MANEA: variants seen among roughly 807,000 people sequenced by gnomAD.
MANEA encodes mannosidase endo-alpha.
MANEA carries 25 observed loss-of-function variants against 36.8 expected under a neutral mutation model. The observed-to-expected ratio is 0.68, with a 90% CI of 0.50 to 0.95. The LOEUF (loss-of-function observed/expected upper bound fraction) is 0.95, where lower values mean the gene tolerates loss of function less well. Ranked by LOEUF, MANEA falls within the 40% of genes least tolerant of loss-of-function variation. The probability of loss-of-function intolerance (pLI) is 0.00; values close to 1 mark genes in which losing one functional copy is unlikely to be tolerated. For synonymous variants in MANEA, 198 were observed against 188.5 expected, an observed-to-expected ratio of 1.05 and a Z score of -0.41; for missense variants, 565 against 558.8, an observed-to-expected ratio of 1.01 and a Z score of -0.11.
chr6:95,606,214 A>C lies in MANEA; in HGVS notation c.1198A>C (p.Thr400Pro). Reference sequence around the variant, plus strand: ...GACACGCCCCAGCTTAATTTCTATCACCTCTTTTAATGAGTGGCATGAAGG... The same window carrying C: ...GACACGCCCCAGCTTAATTTCTATCCCCTCTTTTAATGAGTGGCATGAAGG... Reference protein sequence around the residue: ...LQTRPSLISITSFNEWHEGTQ... With the variant: ...LQTRPSLISIPSFNEWHEGTQ... The change falls in exon 5 of 5, where the codon ACC becomes CCC. Residue 400 changes from threonine (T) to proline (P), a missense_variant. Transcript: ENST00000358812. 1 of 1,613,974 alleles carries C rather than the reference A, an allele frequency of 6.2e-7. No homozygotes were observed. The highest frequency in any genetic ancestry group is 8.5e-7 in the Non-Finnish European group (1 of 1,179,968).
chr6:95,603,257 T>C (rs1354217723), intron 3 of MANEA, among the ~76,000 whole-genome samples: 2 of 152,054 alleles, frequency 1.3e-5, no homozygotes, highest in African/African-American at 2.4e-5. Flanking sequence ...AAATATGGTG[T>C]CCTTTATGTA....
chr6:95,598,521 T>C (rs932533433), intron 3 of MANEA, among the ~76,000 whole-genome samples: 1 of 152,174 alleles, frequency 6.6e-6, no homozygotes, highest in Non-Finnish European at 1.5e-5. Context: ...GTGAAAGATC[T>C]GAGAGAGAGT....
chr6:95,602,006 A>G (rs1446045076), intron 3 of MANEA, among the ~76,000 whole-genome samples: 1 of 151,864 alleles, frequency 6.6e-6, no homozygotes, highest in African/African-American at 2.4e-5. Flanking sequence ...AATGATTTTC[A>G]CCTACATTTG....
At chr6:95,583,429 AC>A (rs1198044780) in intron 1 of MANEA, among the ~76,000 whole-genome samples, 1 of 152,152 alleles carries the variant, frequency 6.6e-6, no homozygotes, top group Non-Finnish European at 1.5e-5. Flanking sequence ...ATGTATGTGT[AC>A]ATATGCACAT....
At chr6:95,604,061 GGTGTGTGT>G (rs71012509) in intron 3 of MANEA, among the ~76,000 whole-genome samples, 12 of 138,388 alleles carry the variant, frequency 8.7e-5, no homozygotes, top group South Asian at 2.4e-4. Flanking sequence ...TATGTATGTA[GGTGTGTGT>G]GTGTGTGTGT....
At chr6:95,604,799 C>A in intron 3 of MANEA, 28 bp from the exon 4 acceptor site, 2 of 928,466 alleles carry the variant, frequency 2.2e-6, no homozygotes, top group Non-Finnish European at 1.6e-6. Context: ...ATAATTTATC[C>A]CCTAACTGAT....
Position 95,596,744 on chromosome 6 carries a change from A to G in MANEA, c.552A>G (p.Leu184=), listed in dbSNP as rs1316230992. Residue 184 remains leucine, a synonymous_variant, in exon 3 of 5, where the codon CTA becomes CTG. Coordinates refer to ENST00000358812, the MANE Select transcript of MANEA (RefSeq NM_024641.4). ...TTTGGTCTTTTCTATTAGGTGTACT[A>G]GCCCTCTCTTGGTACCCACCTGATG... ...RQMRSASIGV[L]ALSWYPPDVN... The G allele has an allele frequency of 1.3e-6, 2 of 1,572,248 alleles. No homozygotes were observed. Among genetic ancestry groups the G allele is most frequent in the Admixed American group, 3.3e-5 (2 of 59,912 alleles).
At chr6:95,605,244 AG>A (rs1339082692) in intron 4 of MANEA, among the ~76,000 whole-genome samples, 1 of 152,162 alleles carries the variant, frequency 6.6e-6, no homozygotes, top group African/African-American at 2.4e-5. Flanking sequence ...GATTATTAAA[AG>A]TGAACTACTT....
At chr6:95,602,874 G>C (rs865785048) in intron 3 of MANEA, among the ~76,000 whole-genome samples, 1 of 150,410 alleles carries the variant, frequency 6.6e-6, no homozygotes, top group African/African-American at 2.4e-5. Context: ...CAAAAAATTA[G>C]CCGGGCGCGG....
Position 95,608,519 on chromosome 6 carries a change from C to G in MANEA, c.*2114C>G, listed in dbSNP as rs547698066. 9.9e-5 allele frequency: 15 copies of G among 151,908 alleles called. No homozygotes were observed. Among genetic ancestry groups the G allele is most frequent in the African/African-American group, 3.1e-4 (13 of 41,512 alleles). The allele number at this position is 151,908 out of a possible 1,614,324, so 9.4% of individuals were successfully genotyped here. On this transcript the variant is annotated 3_prime_UTR_variant, in exon 5 of 5. Transcript: ENST00000358812. ...TTGTTGTGATTCCTCAACACATTAC[C>G]CTAACCAGCCAGCAGTAACAGATTT...
chr6:95,588,695 A>G (rs190114381), intron 2 of MANEA, among the ~76,000 whole-genome samples: 8 of 152,074 alleles, frequency 5.3e-5, no homozygotes, highest in Admixed American at 1.3e-4. Context: ...TTGTTCTTTA[A>G]AGTTTTAATT....
At chr6:95,585,135 C>CATATAT (rs60159619) in intron 1 of MANEA, among the ~76,000 whole-genome samples, 37 of 150,246 alleles carry the variant, frequency 2.5e-4, no homozygotes, top group African/African-American at 8.1e-4. Context: ...TACTTATACT[C>CATATAT]ATATATATAT....
chr6:95,594,100 A>T (rs1004844689), intron 2 of MANEA, among the ~76,000 whole-genome samples: 1 of 151,928 alleles, frequency 6.6e-6, no homozygotes, highest in Admixed American at 6.6e-5. Flanking sequence ...GTACATGTGT[A>T]TGTGCGTGCT....
intron 3 of MANEA, among the ~76,000 whole-genome samples, chr6:95,597,328 A>G (rs1167504623): frequency 6.6e-6 from 1 of 152,116 alleles, no homozygotes; most frequent in African/African-American, 2.4e-5. Flanking sequence ...TGATGCAGAA[A>G]TTAATGTGTG....
intron 4 of MANEA, among the ~76,000 whole-genome samples, 179 bp downstream of exon 4, chr6:95,605,082 T>G (rs549252671): frequency 6.6e-6 from 1 of 152,124 alleles, no homozygotes; most frequent in Admixed American, 6.5e-5. Flanking sequence ...TGCTGAAGTT[T>G]CTTATAATTC....
At chr6:95,601,546 A>C (rs763532222) in intron 3 of MANEA, among the ~76,000 whole-genome samples, 4 of 152,090 alleles carry the variant, frequency 2.6e-5, no homozygotes, top group Non-Finnish European at 5.9e-5. Context: ...GATTTGAACC[A>C]GCCTGGAGCA....
intron 3 of MANEA, among the ~76,000 whole-genome samples, chr6:95,601,716 A>ATTTTTTTTTTTTTTGTTTTTTTTTTTTTT (rs1769595438): frequency 1.5e-5 from 1 of 64,968 alleles, no homozygotes; most frequent in Non-Finnish European, 2.7e-5. Flanking sequence ...AGATTCAGTG[A>ATTTTTTTTTTTTTTGTTTTTTTTTTTTTT]TTTTTTTTTT....
At chr6:95,583,018 A>T (rs1769210772) in intron 1 of MANEA, among the ~76,000 whole-genome samples, 1 of 152,170 alleles carries the variant, frequency 6.6e-6, no homozygotes, top group Non-Finnish European at 1.5e-5. Context: ...AATTTTGATC[A>T]CTAGTTTAAA....
At chr6:95,604,173 G>A (rs1311138160) in intron 3 of MANEA, among the ~76,000 whole-genome samples, 2 of 148,904 alleles carry the variant, frequency 1.3e-5, no homozygotes, top group Non-Finnish European at 3.0e-5. Flanking sequence ...ATTTTTAAGC[G>A]ATTTCATTAT....
Sources: allele counts gnomAD v4.1 joint callset (sites outside exome capture counted in the v4.1 genomes callset), GRCh38; gene constraint gnomAD v4.1.1; transcripts MANE v1.5; gene names NCBI Gene and HGNC (gene_info 2026-07-23, HGNC 2026-07-21).